CTDSPL: variants seen among roughly 807,000 people sequenced by gnomAD.
CTDSPL encodes the protein CTD small phosphatase like, also known as CTD small phosphatase-like protein.
A neutral mutation model predicts 30.5 loss-of-function variants in CTDSPL; 8 were observed. The ratio of observed to expected loss-of-function variants is 0.26; its 90% CI spans 0.15 to 0.47. The LOEUF is 0.47. Among genes scored for constraint, CTDSPL ranks in the 20% least tolerant of loss-of-function variants. The probability of loss-of-function intolerance (pLI) is 0.99; values close to 1 mark genes in which losing one functional copy is unlikely to be tolerated. For synonymous variants in CTDSPL, 110 were observed against 137.9 expected, an observed-to-expected ratio of 0.80 and a Z score of 1.42; for missense variants, 248 against 366.1, an observed-to-expected ratio of 0.68 and a Z score of 2.63.
chr3:37,930,815 G>A (rs560758294), intron 1 of CTDSPL, among the ~76,000 whole-genome samples: 1 of 152,212 alleles, frequency 6.6e-6, no homozygotes, highest in African/African-American at 2.4e-5. Flanking sequence ...CTATTATTGT[G>A]TTGCTGTCTA....
At chr3:37,952,305 A>G (rs565613073) in intron 2 of CTDSPL, among the ~76,000 whole-genome samples, 145 of 152,344 alleles carry the variant, frequency 9.5e-4, no homozygotes, top group African/African-American at 2.9e-3. Context: ...TATTTTTCTC[A>G]CATAAAAAGC....
chr3:37,885,451 A>G (rs1698252048), intron 1 of CTDSPL, among the ~76,000 whole-genome samples: 1 of 152,186 alleles, frequency 6.6e-6, no homozygotes, highest in Admixed American at 6.5e-5. Flanking sequence ...TGAGGCAGGT[A>G]GAGATTGTCT....
rs1699515413 is a variant in CTDSPL at position 37,983,407 on chromosome 3, GTAAA to G, written c.*2543_*2546del. On this transcript the variant is annotated 3_prime_UTR_variant, in exon 8 of 8. Transcript: ENST00000273179. ...ATGTTTGGGGTTTATGTTTTTTAAG[GTAAA>G]TACGGGTATTGTTTTTAATTATTAC... The G allele has an allele frequency of 6.6e-6, 1 of 152,546 alleles. No individual in the cohort carries two copies. The highest frequency in any genetic ancestry group is 2.1e-4 in the South Asian group (1 of 4,824). 9.4% of individuals were successfully genotyped at this position (152,546 alleles called of 1,614,324 possible). A position where few individuals can be genotyped will look rare whatever the true frequency, so the allele number is the denominator to read the frequency against.
chr3:37,876,019 G>T (rs1698130842), intron 1 of CTDSPL, among the ~76,000 whole-genome samples: 1 of 152,000 alleles, frequency 6.6e-6, no homozygotes, highest in Admixed American at 6.6e-5. Context: ...GAGGTGGGAG[G>T]ATCACTGGGG....
chr3:37,973,782 T>C (rs1699394446), intron 6 of CTDSPL, among the ~76,000 whole-genome samples: 1 of 152,220 alleles, frequency 6.6e-6, no homozygotes. Context: ...ATACTGGGGA[T>C]ATAGCAAAGA....
intron 1 of CTDSPL, among the ~76,000 whole-genome samples, chr3:37,893,636 G>A (rs113255594): frequency 0.025 from 3,752 of 152,238 alleles, 65 homozygotes; most frequent in Non-Finnish European, 0.04. Context: ...TTGTTTAGTG[G>A]TCAGTTCTAC....
intron 1 of CTDSPL, among the ~76,000 whole-genome samples, chr3:37,946,018 T>C (rs1174864604): frequency 6.6e-6 from 1 of 152,208 alleles, no homozygotes; most frequent in African/African-American, 2.4e-5. Flanking sequence ...CCAACAGTTA[T>C]CATGTGGACT....
chr3:37,888,379 A>G (rs1698286208), intron 1 of CTDSPL, among the ~76,000 whole-genome samples: 1 of 152,182 alleles, frequency 6.6e-6, no homozygotes, highest in African/African-American at 2.4e-5. Context: ...CTCAACTTAG[A>G]GTGTTGCCAA....
intron 5 of CTDSPL, among the ~76,000 whole-genome samples, chr3:37,970,598 G>GT: frequency 6.6e-6 from 1 of 152,182 alleles, no homozygotes; most frequent in Admixed American, 6.5e-5. Flanking sequence ...CATCTCCCTT[G>GT]TTTCCCCAGA....
intron 1 of CTDSPL, among the ~76,000 whole-genome samples, chr3:37,874,559 G>A (rs990774993): frequency 1.3e-5 from 2 of 152,056 alleles, no homozygotes; most frequent in Non-Finnish European, 2.9e-5. Context: ...GTGAAACCCC[G>A]TCTCTACTAA....
At chr3:37,964,697 C>G in intron 4 of CTDSPL, 25 bp downstream of exon 4, 1 of 1,510,598 alleles carries the variant, frequency 6.6e-7, no homozygotes, top group Non-Finnish European at 9.2e-7. Flanking sequence ...AAAAAAAATC[C>G]ATGATCTTTG....
In CTDSPL at chr3:37,982,322, C is replaced by T. The variant is rs1165641110; in HGVS notation, c.*1455C>T. 5.8e-6 allele frequency: 2 copies of T among 344,126 alleles called. No homozygotes were observed. Among genetic ancestry groups the T allele is most frequent in the Non-Finnish European group, 1.1e-5 (2 of 174,644 alleles). 21.3% of individuals were successfully genotyped at this position (344,126 alleles called of 1,614,324 possible). On this transcript the variant is annotated 3_prime_UTR_variant, in exon 8 of 8. Transcript: ENST00000273179. ...AGAGCTCCCACAGGGAGAGCCCAGG[C>T]TCTCTTTGCAGCCTTTCCCAGTTTG...
At chr3:37,971,331 A>T in intron 5 of CTDSPL, 76 bp from the exon 6 acceptor site, 3 of 1,304,430 alleles carry the variant, frequency 2.3e-6, no homozygotes, top group Non-Finnish European at 3.3e-6. Context: ...AATTCTTCCT[A>T]CAGTGGGCAT....
rs1208514334 is a variant in CTDSPL at position 37,981,700 on chromosome 3, C to T, written c.*833C>T. 2.6e-6 allele frequency: 1 copy of T among 383,230 alleles called. No homozygotes were observed. The highest frequency in any genetic ancestry group is 7.4e-5 in the East Asian group (1 of 13,596). 23.7% of individuals were successfully genotyped at this position (383,230 alleles called of 1,614,324 possible). On this transcript the variant is annotated 3_prime_UTR_variant, in exon 8 of 8. Coordinates refer to ENST00000273179, the MANE Select transcript of CTDSPL (RefSeq NM_001008392.2). ...TGACATCCTGTCACTTCTGCTCTCA[C>T]ACTACTGCCATACATTTGTGTTTTT... is the stretch of plus-strand genomic sequence containing the variant.
At chr3:37,950,590 T>C (rs986380648) in intron 2 of CTDSPL, among the ~76,000 whole-genome samples, 1 of 152,108 alleles carries the variant, frequency 6.6e-6, no homozygotes, top group African/African-American at 2.4e-5. Flanking sequence ...GAGATGGTAA[T>C]TGTGAGAGAG....
chr3:37,871,528 T>A (rs1698071324), intron 1 of CTDSPL, among the ~76,000 whole-genome samples: 1 of 152,244 alleles, frequency 6.6e-6, no homozygotes, highest in East Asian at 1.9e-4. Flanking sequence ...TGTAAGAAAC[T>A]GCCAAACTGT....
intron 1 of CTDSPL, among the ~76,000 whole-genome samples, chr3:37,926,804 A>G (rs1475195022): frequency 6.6e-6 from 1 of 152,228 alleles, no homozygotes; most frequent in African/African-American, 2.4e-5. Flanking sequence ...CAATAGTGAT[A>G]GTGAGCCAGG....
intron 1 of CTDSPL, among the ~76,000 whole-genome samples, chr3:37,918,005 G>A (rs1402208255): frequency 1.3e-5 from 2 of 152,238 alleles, no homozygotes; most frequent in Non-Finnish European, 2.9e-5. Flanking sequence ...AACAAGTAGG[G>A]GATAAAGGAA....
intron 6 of CTDSPL, among the ~76,000 whole-genome samples, chr3:37,973,120 T>A (rs1575324759): frequency 6.6e-6 from 1 of 152,158 alleles, no homozygotes; most frequent in Non-Finnish European, 1.5e-5. Context: ...TGGAGTGGGA[T>A]TCAAAATCCT....
Sources: gnomAD v4.1 joint callset for allele counts (sites outside exome capture counted in the v4.1 genomes callset) on GRCh38, gnomAD v4.1.1 for gene constraint, MANE v1.5 for transcripts, NCBI Gene and HGNC (gene_info 2026-07-23, HGNC 2026-07-21) for gene names.